SCOC: variants seen among roughly 807,000 people sequenced by gnomAD.
SCOC encodes the protein short coiled coil protein.
Under a neutral mutation model 9.9 loss-of-function variants are expected in SCOC, and 7 were observed. The observed-to-expected ratio is 0.71, with a 90% CI of 0.40 to 1.33. The LOEUF (loss-of-function observed/expected upper bound fraction) is 1.33. SCOC is among the 40% of genes most tolerant of loss of function. The probability of loss-of-function intolerance (pLI) is 0.01; values close to 1 mark genes in which losing one functional copy is unlikely to be tolerated. For synonymous variants in SCOC, 19 were observed against 28.2 expected (o/e 0.67, Z 1.03); for missense variants, 66 against 89.7 (o/e 0.74, Z 1.07).
intron 2 of SCOC, among the ~76,000 whole-genome samples, chr4:140,349,590 A>G (rs1303607904): frequency 1.3e-5 from 2 of 152,004 alleles, no homozygotes; most frequent in Non-Finnish European, 2.9e-5. Flanking sequence ...TCCCACTCCT[A>G]TATTCATAAT....
intron 1 of SCOC, among the ~76,000 whole-genome samples, chr4:140,259,779 T>G (rs1353444033): frequency 6.6e-6 from 1 of 152,206 alleles, no homozygotes; most frequent in East Asian, 1.9e-4. Context: ...AATTTCCCTC[T>G]AAGAAGATGC....
intron 1 of SCOC, among the ~76,000 whole-genome samples, chr4:140,258,688 A>G (rs1393301260): frequency 6.6e-6 from 1 of 152,248 alleles, no homozygotes; most frequent in African/African-American, 2.4e-5. Context: ...CCAGGGCTTC[A>G]GGGTCTGCTT....
chr4:140,370,786 T>G (rs766967609), upstream of SCOC, among the ~76,000 whole-genome samples: 1 of 152,252 alleles, frequency 6.6e-6, no homozygotes, highest in Non-Finnish European at 1.5e-5. Context: ...TAAACATTTT[T>G]TAAAAACCTT....
intron 2 of SCOC, among the ~76,000 whole-genome samples, chr4:140,343,924 T>G (rs1726604779): frequency 1.4e-5 from 2 of 139,942 alleles, no homozygotes; most frequent in South Asian, 4.6e-4. Context: ...TTATATAACA[T>G]GTACTTTTTA....
At chr4:140,280,310 G>A (rs1186988812) in intron 1 of SCOC, among the ~76,000 whole-genome samples, 3 of 151,930 alleles carry the variant, frequency 2.0e-5, no homozygotes, top group Admixed American at 6.6e-5. Flanking sequence ...TTGTTTTTTT[G>A]TAGAGACAGG....
At chr4:140,288,547 G>A (rs781325613) in intron 1 of SCOC, among the ~76,000 whole-genome samples, 27 of 151,076 alleles carry the variant, frequency 1.8e-4, no homozygotes, top group African/African-American at 5.9e-4. Flanking sequence ...ACACATATCC[G>A]TACCACAAAC....
At chr4:140,377,466 A>C (rs1728391536) in intron 1 of SCOC, among the ~76,000 whole-genome samples, 1 of 152,228 alleles carries the variant, frequency 6.6e-6, no homozygotes, top group South Asian at 2.1e-4. Context: ...AGATGCTAGA[A>C]GACTTGGAGT....
chr4:140,268,868 T>C (rs1730784006), intron 1 of SCOC, among the ~76,000 whole-genome samples: 1 of 152,194 alleles, frequency 6.6e-6, no homozygotes, highest in Non-Finnish European at 1.5e-5. Context: ...GACTGTGTCC[T>C]TGGGGGATGC....
chr4:140,335,716 AG>A (rs1417665169), intron 1 of SCOC, among the ~76,000 whole-genome samples: 1 of 152,192 alleles, frequency 6.6e-6, no homozygotes, highest in African/African-American at 2.4e-5. Context: ...GCTCTGAGAA[AG>A]CCCATAGCAA....
chr4:140,272,285 G>A (rs956619317), intron 1 of SCOC, among the ~76,000 whole-genome samples: 10 of 150,238 alleles, frequency 6.7e-5, no homozygotes, highest in African/African-American at 1.2e-4. Flanking sequence ...AAACTCTTAC[G>A]CTCAAGGGAT....
chr4:140,349,694 T>C (rs1726894811), intron 2 of SCOC, among the ~76,000 whole-genome samples: 1 of 152,198 alleles, frequency 6.6e-6, no homozygotes, highest in African/African-American at 2.4e-5. Context: ...CACCAATTCT[T>C]GTTGACTTGA....
At chr4:140,344,860 G>T (rs1430000710) in intron 2 of SCOC, among the ~76,000 whole-genome samples, 1 of 152,194 alleles carries the variant, frequency 6.6e-6, no homozygotes, top group Non-Finnish European at 1.5e-5. Context: ...GGAGGATGCA[G>T]TTCGTAGAGA....
chr4:140,337,510 A>C (rs1732990591), intron 1 of SCOC, among the ~76,000 whole-genome samples: 1 of 152,202 alleles, frequency 6.6e-6, no homozygotes, highest in African/African-American at 2.4e-5. Context: ...ATGAGATTCC[A>C]GAAATAAACC....
chr4:140,287,859 C>T (rs1731342400), intron 1 of SCOC, among the ~76,000 whole-genome samples: 1 of 151,972 alleles, frequency 6.6e-6, no homozygotes, highest in South Asian at 2.1e-4. Context: ...GACACACAGA[C>T]CACAGACATA....
chr4:140,367,854 C>T (rs1309501564), intron 2 of SCOC, among the ~76,000 whole-genome samples: 1 of 152,110 alleles, frequency 6.6e-6, no homozygotes, highest in Non-Finnish European at 1.5e-5. Flanking sequence ...AGGCAGGGTG[C>T]CAAAAGCTGG....
At chr4:140,376,604 A>G (rs887317144) in intron 1 of SCOC, 3 of 152,174 alleles carry the variant, frequency 2.0e-5, no homozygotes, top group Non-Finnish European at 4.4e-5. Flanking sequence ...CTTGAGTGTA[A>G]GAGTAATTTT....
chr4:140,378,661 A>T (rs1203250633), intron 1 of SCOC, among the ~76,000 whole-genome samples: 1 of 152,168 alleles, frequency 6.6e-6, no homozygotes, highest in African/African-American at 2.4e-5. Context: ...GATTGACTTC[A>T]TTGTAAATAA....
upstream of SCOC, among the ~76,000 whole-genome samples, chr4:140,372,907 T>C (rs999575008): frequency 7.2e-4 from 109 of 152,340 alleles, no homozygotes; most frequent in African/African-American, 2.3e-3. Flanking sequence ...ATATGTGACC[T>C]TGAGCAAGAA....
chr4:140,280,640 T>C (rs904374998), intron 1 of SCOC, among the ~76,000 whole-genome samples: 1 of 152,224 alleles, frequency 6.6e-6, no homozygotes, highest in Admixed American at 6.5e-5. Flanking sequence ...AAGGCAGATG[T>C]TTGTCAAATG....
Sources: allele counts gnomAD v4.1 joint callset (sites outside exome capture counted in the v4.1 genomes callset), GRCh38; gene constraint gnomAD v4.1.1; transcripts MANE v1.5; gene names NCBI Gene and HGNC (gene_info 2026-07-23, HGNC 2026-07-21).